PPID: variants seen among roughly 807,000 people sequenced by gnomAD.
PPID encodes peptidyl-prolyl cis-trans isomerase D.
A neutral mutation model predicts 48.1 loss-of-function variants in PPID; 47 were observed. The ratio of observed to expected loss-of-function variants is 0.98; its 90% CI spans 0.77 to 1.25. The LOEUF is 1.25. Among genes scored for constraint, PPID ranks in the 50% most tolerant of loss-of-function variants. The pLI, the probability that PPID is intolerant of heterozygous loss-of-function variation, is 0.00. For synonymous variants in PPID, 163 were observed against 148.8 expected, an observed-to-expected ratio of 1.10 and a Z score of -0.69; for missense variants, 429 against 443.5, an observed-to-expected ratio of 0.97 and a Z score of 0.29.
At chr4:158,712,635 T>C (rs1333641247) in intron 7 of PPID, among the ~76,000 whole-genome samples, 1 of 152,158 alleles carries the variant, frequency 6.6e-6, no homozygotes, top group Admixed American at 6.5e-5. Flanking sequence ...CACATGCCTG[T>C]AATCCCAGCT....
At chr4:158,713,489 T>C (rs533269909) in intron 6 of PPID, among the ~76,000 whole-genome samples, 12 of 152,346 alleles carry the variant, frequency 7.9e-5, no homozygotes, top group African/African-American at 2.2e-4. Flanking sequence ...AATCTAATTA[T>C]GCACTAGTAA....
intron 1 of PPID, among the ~76,000 whole-genome samples, chr4:158,722,106 A>G (rs1229076471): frequency 6.6e-6 from 1 of 152,216 alleles, no homozygotes; most frequent in Non-Finnish European, 1.5e-5. Context: ...TTATTCTAAT[A>G]TTCAAATTTA....
intron 7 of PPID, 25 bp downstream of exon 7, chr4:158,713,094 A>T: frequency 6.2e-7 from 1 of 1,612,598 alleles, no homozygotes; most frequent in African/African-American, 1.3e-5. Flanking sequence ...ACTTATTCAA[A>T]AAGTTCAAAA....
chr4:158,713,690 T>A (rs1774825519), intron 6 of PPID, among the ~76,000 whole-genome samples: 1 of 152,044 alleles, frequency 6.6e-6, no homozygotes, highest in Non-Finnish European at 1.5e-5. Context: ...CAGAATTTGG[T>A]TTCTAAAGTT....
At chr4:158,714,939 G>A (rs763424105) in intron 6 of PPID, among the ~76,000 whole-genome samples, 6 of 152,134 alleles carry the variant, frequency 3.9e-5, no homozygotes, top group East Asian at 1.9e-4. Context: ...GTGTTTTAAC[G>A]GTATTGAACT....
Position 158,719,696 on chromosome 4 carries a change from T to C in PPID, c.227-410A>G, listed in dbSNP as rs17843904. ...TTACATCCTTATAACTATGTGCATGTACACATAGTACATATTAGTTACTCA... is the reference window on the plus strand; with the variant it reads ...TTACATCCTTATAACTATGTGCATGCACACATAGTACATATTAGTTACTCA... On this transcript the variant is annotated intron_variant, in intron 2 of 9. Coordinates refer to ENST00000307720, the MANE Select transcript of PPID (RefSeq NM_005038.3). Among the ~76,000 whole-genome samples, 61 of 152,340 alleles carry C rather than the reference T, an allele frequency of 4.0e-4. 1 individual carries two copies. Among genetic ancestry groups the C allele is most frequent in the Admixed American group, 2.2e-3 (34 of 15,304 alleles).
At chr4:158,717,254 TTGTG>T in intron 3 of PPID, 54 bp from the exon 4 acceptor site, 1 of 1,513,368 alleles carries the variant, frequency 6.6e-7, no homozygotes, top group Non-Finnish European at 9.0e-7. Flanking sequence ...CTTTTCTGAA[TTGTG>T]TGTTAGTCTG....
chr4:158,721,631 A>G (rs1190947937), intron 1 of PPID, 148 bp from the exon 2 acceptor site: 1 of 788,414 alleles, frequency 1.3e-6, no homozygotes, highest in Non-Finnish European at 2.0e-6. Flanking sequence ...TTTCAAGAAC[A>G]CAACACATTG....
At chr4:158,720,840 G>T (rs551683431) in intron 2 of PPID, among the ~76,000 whole-genome samples, 1 of 151,678 alleles carries the variant, frequency 6.6e-6, no homozygotes, top group Non-Finnish European at 1.5e-5. Context: ...TCAGCCTCCC[G>T]AGTAGCTGGG....
intron 7 of PPID, 90 bp from the exon 8 acceptor site, chr4:158,710,938 C>T: frequency 8.7e-7 from 1 of 1,143,770 alleles, no homozygotes. Flanking sequence ...CCAAACCCAT[C>T]CTTCACTGCT....
At chr4:158,719,362 TA>T in intron 2 of PPID, 76 bp from the exon 3 acceptor site, 2 of 936,850 alleles carry the variant, frequency 2.1e-6, no homozygotes, top group Non-Finnish European at 3.4e-6. Context: ...GATACGTACG[TA>T]AGACAACTTT....
intron 6 of PPID, among the ~76,000 whole-genome samples, chr4:158,714,736 G>A (rs1450581139): frequency 1.3e-5 from 2 of 151,966 alleles, no homozygotes; most frequent in African/African-American, 2.4e-5. Flanking sequence ...GATTACAGGC[G>A]TGCGCCACCA....
At chr4:158,723,117 G>A (rs1774990507) in intron 1 of PPID, 87 bp downstream of exon 1, 3 of 1,344,918 alleles carry the variant, frequency 2.2e-6, no homozygotes, top group South Asian at 2.5e-5. Flanking sequence ...GTCACCGGCC[G>A]GAGCCGCATT....
intron 2 of PPID, among the ~76,000 whole-genome samples, chr4:158,720,401 T>C (rs547872319): frequency 5.6e-4 from 86 of 152,332 alleles, no homozygotes; most frequent in Non-Finnish European, 8.5e-4. Flanking sequence ...GTTTAAAAAA[T>C]GTTGCTCTTG....
chr4:158,715,333 C>A lies in PPID; in HGVS notation c.716G>T (p.Trp239Leu). 6.5e-7 allele frequency: 1 copy of A among 1,534,292 alleles called. No homozygotes were observed. The highest frequency in any genetic ancestry group is 2.3e-5 in the East Asian group (1 of 42,898). The change falls in exon 6 of 10, where the codon TGG becomes TTG. Residue 239 changes from tryptophan to leucine, a missense_variant. Physicochemically the swap from Trp to Leu is moderately conservative, Grantham distance 61. Coordinates refer to ENST00000307720, the MANE Select transcript of PPID (RefSeq NM_005038.3). ...TGCATATTTTTTAATAGCCATCTCCCAGTTCTGGGATTTGAAAAAAGTATT... is the reference window on the plus strand; with the variant it reads ...TGCATATTTTTTAATAGCCATCTCCAAGTTCTGGGATTTGAAAAAAGTATT... ...IGNTFFKSQN[W>L]EMAIKKYAEV...
chr4:158,720,640 A>G (rs1406383206), intron 2 of PPID, among the ~76,000 whole-genome samples: 1 of 152,226 alleles, frequency 6.6e-6, no homozygotes, highest in Non-Finnish European at 1.5e-5. Flanking sequence ...CATGTGCCCA[A>G]AACACTGAAT....
At chr4:158,716,979 AATAAGTGT>A in intron 4 of PPID, 25 bp downstream of exon 4, 6 of 1,576,982 alleles carry the variant, frequency 3.8e-6, no homozygotes, top group Non-Finnish European at 5.2e-6. Flanking sequence ...CAACTAAGAT[AATAAGTGT>A]ATTTCACTGT....
Position 158,710,761 on chromosome 4 carries a change from C to T in PPID, c.981+1G>A. Reference sequence around the variant, plus strand: ...AATTAAACATTTGGAACAAAATTTACCAATGCTTGATCATATTCTTTTAAT... The same window carrying T: ...AATTAAACATTTGGAACAAAATTTATCAATGCTTGATCATATTCTTTTAAT... On this transcript the variant is annotated splice_donor_variant, in intron 8 of 9. Transcript: ENST00000307720. LOFTEE classifies it high-confidence loss of function. The T allele has an allele frequency of 1.2e-6, 2 of 1,613,028 alleles. No individual in the cohort carries two copies. Among genetic ancestry groups the T allele is most frequent in the Non-Finnish European group, 8.5e-7 (1 of 1,179,154 alleles).
intron 2 of PPID, 83 bp downstream of exon 2, chr4:158,721,260 T>G (rs1580434161): frequency 2.0e-6 from 3 of 1,491,694 alleles, no homozygotes; most frequent in East Asian, 4.5e-5. Flanking sequence ...CTTCACTTCC[T>G]ACTTAGTGTT....
Sources: allele counts gnomAD v4.1 joint callset (sites outside exome capture counted in the v4.1 genomes callset), GRCh38; gene constraint gnomAD v4.1.1; transcripts MANE v1.5; gene names NCBI Gene and HGNC (gene_info 2026-07-23, HGNC 2026-07-21).